RARB: variants seen among roughly 807,000 people sequenced by gnomAD.
RARB encodes retinoic acid receptor beta.
In RARB, 17 loss-of-function variants were observed where a neutral mutation model predicts 51.9. The ratio of observed to expected loss-of-function variants is 0.33; its 90% CI spans 0.22 to 0.49. RARB has a LOEUF of 0.49. Among genes scored for constraint, RARB ranks in the 20% least tolerant of loss-of-function variants. The pLI is 0.99. For missense variants in RARB, 369 were observed against 550.8 expected (o/e 0.67, Z 3.30); for synonymous variants, 215 against 195.4 (o/e 1.10, Z -0.84).
chr3:25,203,986 G>A (rs966251954), intron 5 of RARB, among the ~76,000 whole-genome samples: 43 of 152,112 alleles, frequency 2.8e-4, no homozygotes, highest in Non-Finnish European at 8.8e-5. Context: ...GCCTTGCTAG[G>A]TTGGGGAAGT....
At chr3:24,954,081 T>C (rs950168926) in intron 2 of RARB, among the ~76,000 whole-genome samples, 18 of 152,218 alleles carry the variant, frequency 1.2e-4, no homozygotes, top group African/African-American at 3.9e-4. Context: ...TTTTCCCATA[T>C]GTGTCTGACT....
chr3:25,196,210 C>T (rs539412082), intron 5 of RARB, among the ~76,000 whole-genome samples: 3 of 151,964 alleles, frequency 2.0e-5, no homozygotes, highest in South Asian at 4.1e-4. Flanking sequence ...CCTAATACTA[C>T]CCCTCCCCCA....
intron 5 of RARB, among the ~76,000 whole-genome samples, chr3:25,320,028 C>CTTTT (rs113901586): frequency 2.7e-4 from 38 of 142,370 alleles, no homozygotes; most frequent in Non-Finnish European, 3.1e-4. Flanking sequence ...TAAGGATCAT[C>CTTTT]TTTTTTTTTT....
At chr3:24,875,538 G>T (rs148280794) in intron 2 of RARB, among the ~76,000 whole-genome samples, 472 of 152,182 alleles carry the variant, frequency 3.1e-3, no homozygotes, top group Non-Finnish European at 5.5e-3. Context: ...TGATGGTACT[G>T]CCCTGTCTAA....
At chr3:25,545,546 C>T (rs2125660631) in intron 3 of RARB, among the ~76,000 whole-genome samples, 1 of 152,346 alleles carries the variant, frequency 6.6e-6, no homozygotes, top group East Asian at 1.9e-4. Flanking sequence ...CCGCTCTCCA[C>T]TCTCATTCCC....
chr3:25,262,716 A>G (rs907243322), intron 5 of RARB, among the ~76,000 whole-genome samples: 8 of 152,138 alleles, frequency 5.3e-5, no homozygotes, highest in African/African-American at 1.9e-4. Context: ...AATCCAGGAG[A>G]ATCTTCCTAT....
chr3:25,018,862 G>GT lies in RARB; in HGVS notation c.-379-41262dup, dbSNP rs571013443. Among the ~76,000 whole-genome samples, 679 of 152,154 alleles carry GT rather than the reference G, an allele frequency of 4.5e-3. 2 individuals are homozygous for GT. Among genetic ancestry groups the GT allele is most frequent in the Non-Finnish European group, 6.7e-3 (457 of 68,006 alleles). On this transcript the variant is annotated intron_variant, in intron 2 of 11. Transcript: ENST00000383772. ...TCTGGGTGATGGATAAGAAACTTTC[G>GT]TAAGCACCGGCGCTGGAAACACATA...
At chr3:25,296,806 C>A (rs111815133) in intron 5 of RARB, among the ~76,000 whole-genome samples, 7,178 of 152,234 alleles carry the variant, frequency 0.047, 178 homozygotes, top group Non-Finnish European at 0.051. Flanking sequence ...TGTTCACCTG[C>A]CTGAATCCAT....
chr3:25,156,516 C>CAAA lies in RARB; in HGVS notation c.-279-17574_-279-17572dup, dbSNP rs35710364. Among the ~76,000 whole-genome samples, 104 of 56,838 alleles carry CAAA rather than the reference C, an allele frequency of 1.8e-3. 7 individuals are homozygous for CAAA. Among genetic ancestry groups the CAAA allele is most frequent in the African/African-American group, 6.2e-3 (84 of 13,594 alleles). The allele number at this position is 56,838 out of a possible 152,430, so 37.3% of individuals were successfully genotyped here. A position where few individuals can be genotyped will look rare whatever the true frequency, so the allele number is the denominator to read the frequency against. Reference sequence around the variant, plus strand: ...ATCACACAAATTCTAGCCCCAACTGCAAAAAAAAAAAAAAAAAAAAAAAAA... The same window carrying CAAA: ...ATCACACAAATTCTAGCCCCAACTGCAAAAAAAAAAAAAAAAAAAAAAAAAAAA... On this transcript the variant is annotated intron_variant, in intron 4 of 11. Coordinates refer to the RARB transcript ENST00000383772.
At chr3:25,574,125 G>C (rs2125294302) in intron 4 of RARB, among the ~76,000 whole-genome samples, 1 of 152,334 alleles carries the variant, frequency 6.6e-6, no homozygotes. Flanking sequence ...AATCAGGACT[G>C]AACCAGAGGT....
At chr3:24,941,273 G>A (rs1230051448) in intron 2 of RARB, among the ~76,000 whole-genome samples, 1 of 152,012 alleles carries the variant, frequency 6.6e-6, no homozygotes, top group Admixed American at 6.5e-5. Context: ...ACTAACTTTG[G>A]GTTGACAATT....
At chr3:25,223,154 G>A (rs1701983271) in intron 5 of RARB, among the ~76,000 whole-genome samples, 1 of 152,076 alleles carries the variant, frequency 6.6e-6, no homozygotes, top group East Asian at 1.9e-4. Context: ...TCCCTTCTCA[G>A]TGGATCCCAC....
At chr3:24,987,260 T>C (rs1440960382) in intron 2 of RARB, among the ~76,000 whole-genome samples, 1 of 152,178 alleles carries the variant, frequency 6.6e-6, no homozygotes, top group Non-Finnish European at 1.5e-5. Flanking sequence ...TTTTTTTTAT[T>C]CCTTCTCCTC....
intron 1 of RARB, among the ~76,000 whole-genome samples, chr3:25,433,554 T>A (rs1251608430): frequency 1.3e-5 from 2 of 152,218 alleles, no homozygotes; most frequent in Admixed American, 1.3e-4. Context: ...TAAATTGTTA[T>A]GAACAAATCT....
At chr3:25,184,135 T>TG (rs376382874) in intron 5 of RARB, among the ~76,000 whole-genome samples, 4 of 137,728 alleles carry the variant, frequency 2.9e-5, no homozygotes, top group African/African-American at 8.4e-5. Context: ...CAGAGTTTGT[T>TG]GTTTTTTTTT....
At chr3:25,276,846 G>T (rs751723834) in intron 5 of RARB, among the ~76,000 whole-genome samples, 1 of 152,132 alleles carries the variant, frequency 6.6e-6, no homozygotes, top group Non-Finnish European at 1.5e-5. Flanking sequence ...GGGATCAAAA[G>T]CACTTGACTA....
chr3:25,456,684 G>GTATATATATAT, intron 1 of RARB, among the ~76,000 whole-genome samples: 1 of 79,102 alleles, frequency 1.3e-5, no homozygotes, highest in East Asian at 4.1e-4. Context: ...TATATATATA[G>GTATATATATAT]AGAGAGAGAG....
At chr3:25,448,206 A>G (rs1709033909) in intron 1 of RARB, among the ~76,000 whole-genome samples, 1 of 152,116 alleles carries the variant, frequency 6.6e-6, no homozygotes, top group Non-Finnish European at 1.5e-5. Context: ...CAACTTGCCT[A>G]TAAAGGTGGA....
chr3:25,137,814 A>G (rs540776384), intron 4 of RARB, among the ~76,000 whole-genome samples: 4 of 152,174 alleles, frequency 2.6e-5, no homozygotes, highest in East Asian at 1.9e-4. Flanking sequence ...CTAATTCCCA[A>G]TCACCCTGTC....
Sources: allele counts gnomAD v4.1 joint callset (sites outside exome capture counted in the v4.1 genomes callset), GRCh38; gene constraint gnomAD v4.1.1; transcripts MANE v1.5; gene names NCBI Gene and HGNC (gene_info 2026-07-23, HGNC 2026-07-21).